Variants in PIP5K1C observed in about 807,000 individuals in gnomAD.
PIP5K1C encodes the protein phosphatidylinositol-4-phosphate 5-kinase type 1 gamma, also known as phosphatidylinositol 4-phosphate 5-kinase type-1 gamma.
A neutral mutation model predicts 80.1 loss-of-function variants in PIP5K1C; 45 were observed. The observed-to-expected ratio is 0.56, with a 90% CI of 0.44 to 0.72. The LOEUF (loss-of-function observed/expected upper bound fraction) is 0.72, where lower values mean the gene tolerates loss of function less well. Among genes scored for constraint, PIP5K1C ranks in the 30% least tolerant of loss-of-function variants. The pLI is 0.00. For synonymous variants in PIP5K1C, 498 were observed against 420.1 expected, an observed-to-expected ratio of 1.19 and a Z score of -2.27; for missense variants, 753 against 954.6, an observed-to-expected ratio of 0.79 and a Z score of 2.78.
intron 11 of PIP5K1C, among the ~76,000 whole-genome samples, chr19:3,645,184 C>G (rs1387539063): frequency 6.6e-6 from 1 of 152,246 alleles, no homozygotes; most frequent in Admixed American, 6.5e-5. Flanking sequence ...CTCCCTGCAA[C>G]CCCCGTGGGT....
intron 5 of PIP5K1C, among the ~76,000 whole-genome samples, chr19:3,659,063 C>G (rs12461702): frequency 0.83 from 125,824 of 152,118 alleles, 52,241 homozygotes; most frequent in East Asian, 0.93. Context: ...TGTGGGCCTT[C>G]CTGGAGCTAC....
intron 11 of PIP5K1C, among the ~76,000 whole-genome samples, chr19:3,644,744 T>C (rs2034140753): frequency 6.6e-6 from 1 of 152,142 alleles, no homozygotes; most frequent in South Asian, 2.1e-4. Flanking sequence ...CTCTGGGCCC[T>C]GGGGGCCGAC....
At chr19:3,680,066 A>G (rs1420967762) in intron 1 of PIP5K1C, among the ~76,000 whole-genome samples, 1 of 152,196 alleles carries the variant, frequency 6.6e-6, no homozygotes, top group Non-Finnish European at 1.5e-5. Context: ...AAGCCCCACA[A>G]TCAAGCCTGG....
At chr19:3,686,744 A>G (rs2035773638) in intron 1 of PIP5K1C, among the ~76,000 whole-genome samples, 1 of 151,502 alleles carries the variant, frequency 6.6e-6, no homozygotes, top group South Asian at 2.1e-4. Flanking sequence ...ATAAAATAAA[A>G]TAAAATAAAA....
chr19:3,669,120 G>A (rs2035117369), intron 1 of PIP5K1C, among the ~76,000 whole-genome samples: 1 of 152,186 alleles, frequency 6.6e-6, no homozygotes, highest in Non-Finnish European at 1.5e-5. Flanking sequence ...GGAAGAGGCT[G>A]AGGGTTGGGG....
chr19:3,641,855 C>G, intron 14 of PIP5K1C, 46 bp from the exon 15 acceptor site: 1 of 1,479,990 alleles, frequency 6.8e-7, no homozygotes, highest in South Asian at 1.1e-5. Context: ...CCTCACTTCC[C>G]CCATCCTACC....
intron 12 of PIP5K1C, 44 bp downstream of exon 12, chr19:3,644,043 C>A (rs921115370): frequency 1.5e-5 from 24 of 1,599,656 alleles, no homozygotes; most frequent in Middle Eastern, 2.2e-4. Flanking sequence ...GCTGCTGGCA[C>A]CCCCTGTAGC....
intron 1 of PIP5K1C, among the ~76,000 whole-genome samples, chr19:3,671,197 C>T (rs2035194629): frequency 6.6e-6 from 1 of 152,228 alleles, no homozygotes; most frequent in Non-Finnish European, 1.5e-5. Flanking sequence ...GCGAAACCAC[C>T]CCTCTGGGGC....
Position 3,637,583 on chromosome 19 carries a change from G to T in PIP5K1C, c.1920+1301C>A. 1 of 1,310,802 alleles carries T rather than the reference G, an allele frequency of 7.6e-7. No individual in the cohort carries two copies. The highest frequency in any genetic ancestry group is 1.5e-5 in the African/African-American group (1 of 65,684). 81.2% of individuals were successfully genotyped at this position (1,310,802 alleles called of 1,614,324 possible). A position where few individuals can be genotyped will look rare whatever the true frequency, so the allele number is the denominator to read the frequency against. On this transcript the variant is annotated intron_variant, in intron 16 of 17. Transcript: ENST00000335312. This position sits in a 1 kb window ranked among gnomAD's most constrained non-coding sequence, Gnocchi z 7.0. ...ACGGCCCGCAGTCGGCGATGGCGGG[G>T]AGAGTAAATCCAGTACCTCCCATCC...
At chr19:3,685,942 G>A (rs186937278) in intron 1 of PIP5K1C, among the ~76,000 whole-genome samples, 9 of 151,842 alleles carry the variant, frequency 5.9e-5, no homozygotes, top group Non-Finnish European at 1.2e-4. Flanking sequence ...TAGCTCTGCA[G>A]CCTCCAACTC....
chr19:3,638,941 G>T lies in PIP5K1C; in HGVS notation c.1863C>A (p.Gly621=). ...CGTCCGAGGCCTGGCTGGCAGGTGC[G>T]CCCTCCTCGTCTGAGGCCTGGCTGG... is the stretch of plus-strand genomic sequence containing the variant. The part of the protein sequence containing the change: ...ETASQASDEE[G]APASQASDEE... The change falls in exon 16 of 18, where the codon GGC becomes GGA. Residue 621 remains glycine, a synonymous_variant. Coordinates refer to ENST00000335312, the MANE Select transcript of PIP5K1C (RefSeq NM_012398.3). 6.2e-7 allele frequency: 1 copy of T among 1,612,296 alleles called. No homozygotes were observed.
At chr19:3,643,206 A>G (rs761603377) in intron 13 of PIP5K1C, 37 bp downstream of exon 13, 2 of 1,609,812 alleles carry the variant, frequency 1.2e-6, no homozygotes, top group East Asian at 2.2e-5. Context: ...CGCACAGCGG[A>G]TGCCCCGCCC....
At chr19:3,653,805 G>A (rs967390629) in intron 6 of PIP5K1C, among the ~76,000 whole-genome samples, 1 of 152,184 alleles carries the variant, frequency 6.6e-6, no homozygotes, top group Non-Finnish European at 1.5e-5. Flanking sequence ...GCTCCAGGAG[G>A]GTCTGTTTCT....
chr19:3,686,911 G>C (rs2035778918), intron 1 of PIP5K1C, among the ~76,000 whole-genome samples: 1 of 151,838 alleles, frequency 6.6e-6, no homozygotes, highest in Admixed American at 6.6e-5. Context: ...AACAGATCAA[G>C]GCCAGGTGCA....
At chr19:3,635,787 G>C (rs557714547) in intron 16 of PIP5K1C, among the ~76,000 whole-genome samples, 2 of 152,302 alleles carry the variant, frequency 1.3e-5, no homozygotes, top group South Asian at 2.1e-4. Flanking sequence ...AGACCATCCT[G>C]GTGAACACGG....
At chr19:3,657,960 C>A (rs1033256836) in intron 5 of PIP5K1C, among the ~76,000 whole-genome samples, 5 of 152,088 alleles carry the variant, frequency 3.3e-5, no homozygotes, top group African/African-American at 1.2e-4. Context: ...GTGAGGGGAA[C>A]CACCTTTGGA....
chr19:3,634,162 G>A (rs1019941457), intron 16 of PIP5K1C, among the ~76,000 whole-genome samples: 5 of 152,094 alleles, frequency 3.3e-5, no homozygotes, highest in South Asian at 4.1e-4. Context: ...GCACAGGCAG[G>A]GCCGTGTGCA....
chr19:3,672,337 T>A (rs1004484185), intron 1 of PIP5K1C, among the ~76,000 whole-genome samples: 4 of 152,210 alleles, frequency 2.6e-5, no homozygotes, highest in African/African-American at 9.7e-5. Context: ...CCAGCCACCT[T>A]TGCCACCCCA....
intron 8 of PIP5K1C, 72 bp downstream of exon 8, chr19:3,651,754 G>A (rs2034458472): frequency 6.9e-7 from 1 of 1,449,460 alleles, no homozygotes; most frequent in African/African-American, 1.4e-5. Flanking sequence ...TTCACACTTG[G>A]GACGGGGATG....
Sources: gnomAD v4.1 joint callset for allele counts (sites outside exome capture counted in the v4.1 genomes callset) on GRCh38, gnomAD v4.1.1 for gene constraint, Gnocchi (gnomAD v3.1) non-coding constraint, MANE v1.5 for transcripts, NCBI Gene and HGNC (gene_info 2026-07-23, HGNC 2026-07-21) for gene names.